The following THEMIS variants were observed in gnomAD, a reference collection of about 807,000 sequenced individuals.
THEMIS encodes thymocyte selection associated, also known as protein THEMIS.
A neutral mutation model predicts 52.6 loss-of-function variants in THEMIS; 37 were observed. The observed-to-expected ratio is 0.70, with a 90% CI of 0.54 to 0.93. THEMIS has a LOEUF of 0.93. Among genes scored for constraint, THEMIS ranks in the 40% least tolerant of loss-of-function variants. The pLI is 0.00. For missense variants in THEMIS, 808 were observed against 763.1 expected, an observed-to-expected ratio of 1.06 and a Z score of -0.69; for synonymous variants, 292 against 272.7, an observed-to-expected ratio of 1.07 and a Z score of -0.70.
rs142292022 is a variant in THEMIS at position 127,917,745 on chromosome 6, T to G, written c.-150+683A>C. On this transcript the variant is annotated intron_variant, in intron 1 of 6. Transcript: ENST00000368250. ...AATCACATTCTCTTCCCCAGAAATT[T>G]AGAATTTGAACTAAAAGATATACTG... 6.4e-4 allele frequency among the ~76,000 whole-genome samples: 97 copies of G among 152,288 alleles called. 1 individual carries two copies. Among genetic ancestry groups the G allele is most frequent in the African/African-American group, 2.2e-3 (93 of 41,574 alleles).
At chr6:127,826,352 AC>A (rs1778505897) in intron 3 of THEMIS, among the ~76,000 whole-genome samples, 4 of 152,192 alleles carry the variant, frequency 2.6e-5, no homozygotes, top group Non-Finnish European at 5.9e-5. Context: ...TATTCTAAAG[AC>A]CAAAGTGTTA....
chr6:127,735,337 CTGTG>C (rs1412447778), intron 4 of THEMIS, among the ~76,000 whole-genome samples: 1 of 150,614 alleles, frequency 6.6e-6, no homozygotes, highest in African/African-American at 2.5e-5. Context: ...GTGTGTGTGT[CTGTG>C]TGTGTATGTT....
upstream of THEMIS, among the ~76,000 whole-genome samples, chr6:127,903,227 A>T (rs967681125): frequency 1.3e-5 from 2 of 152,032 alleles, no homozygotes; most frequent in Non-Finnish European, 2.9e-5. Flanking sequence ...ACTGCTTTAG[A>T]CCAGATCGTA....
intron 4 of THEMIS, among the ~76,000 whole-genome samples, chr6:127,751,324 C>A (rs1332294576): frequency 6.6e-6 from 1 of 151,490 alleles, no homozygotes; most frequent in Non-Finnish European, 1.5e-5. Flanking sequence ...TTACGTAAGT[C>A]TCATAGTAAT....
rs190245773 is a variant in THEMIS, at chr6:127,891,880, C to G, written c.91+8962G>C. On this transcript the variant is annotated intron_variant, in intron 1 of 5. Transcript: ENST00000368248. ...TTCTTCTCCCTGCTTTATATGTGCT[C>G]AAGGTACAGGGATATGTTTTCTCTT... Among the ~76,000 whole-genome samples, 184 of 152,224 alleles carry G rather than the reference C, an allele frequency of 1.2e-3. 1 individual carries two copies. Among genetic ancestry groups the G allele is most frequent in the African/African-American group, 4.2e-3 (175 of 41,552 alleles).
chr6:127,871,841 A>C (rs1489438603), intron 1 of THEMIS, among the ~76,000 whole-genome samples: 1 of 152,130 alleles, frequency 6.6e-6, no homozygotes, highest in Non-Finnish European at 1.5e-5. Flanking sequence ...CCAGGCCCTG[A>C]TTGTTTCACT....
chr6:127,801,606 C>T (rs1777537618), intron 4 of THEMIS, among the ~76,000 whole-genome samples: 1 of 152,136 alleles, frequency 6.6e-6, no homozygotes. Flanking sequence ...GAAACAGCTT[C>T]CCCATCCCCA....
chr6:127,769,169 G>A (rs910484725), intron 4 of THEMIS, among the ~76,000 whole-genome samples: 2 of 152,126 alleles, frequency 1.3e-5, no homozygotes, highest in Non-Finnish European at 2.9e-5. Flanking sequence ...TGAAAGATGC[G>A]AAGAAGAAAG....
At chr6:127,907,952 A>G (rs1397638400) in intron 1 of THEMIS, among the ~76,000 whole-genome samples, 1 of 151,970 alleles carries the variant, frequency 6.6e-6, no homozygotes, top group Non-Finnish European at 1.5e-5. Context: ...AATGAATATG[A>G]ATTATTTTAA....
At position 127,833,922 on chromosome 6, in the gene THEMIS, T is replaced by C. The variant is rs1425591924; in HGVS notation, c.251-3988A>G. On this transcript the variant is annotated intron_variant, in intron 2 of 5. Coordinates refer to ENST00000368248, the MANE Select transcript of THEMIS (RefSeq NM_001010923.3). The stretch of plus-strand genomic sequence containing the variant: ...ATATATAATAACAAGGATGTTTAAG[T>C]TGGTATATTCTATAAATCTATCAAA... Among the ~76,000 whole-genome samples, 4 of 152,076 alleles carry C rather than the reference T, an allele frequency of 2.6e-5. No individual in the cohort carries two copies. In the East Asian group the frequency reaches 7.7e-4, roughly 29 times the overall value.
upstream of THEMIS, chr6:127,901,216 C>G: frequency 2.1e-6 from 1 of 466,820 alleles, no homozygotes; most frequent in Non-Finnish European, 3.8e-6. Flanking sequence ...TGAACAGACA[C>G]TGCCCAAAAA....
chr6:127,725,477 C>T (rs1460257284), intron 4 of THEMIS, among the ~76,000 whole-genome samples: 1 of 151,468 alleles, frequency 6.6e-6, no homozygotes, highest in Non-Finnish European at 1.5e-5. Context: ...TGAGTGTGTT[C>T]TCTTCTGTTT....
intron 2 of THEMIS, among the ~76,000 whole-genome samples, chr6:127,854,219 A>G (rs1779523741): frequency 1.3e-5 from 2 of 151,756 alleles, no homozygotes; most frequent in Admixed American, 6.6e-5. Flanking sequence ...CTGTTTTTGT[A>G]AATAAAGTTT....
At chr6:127,742,501 A>G (rs1775243962) in intron 4 of THEMIS, among the ~76,000 whole-genome samples, 1 of 152,166 alleles carries the variant, frequency 6.6e-6, no homozygotes, top group Admixed American at 6.5e-5. Flanking sequence ...CAACAGCTAA[A>G]ATGTGGAAGC....
chr6:127,715,351 T>G (rs1225779088), intron 5 of THEMIS, among the ~76,000 whole-genome samples: 1 of 151,928 alleles, frequency 6.6e-6, no homozygotes, highest in East Asian at 1.9e-4. Flanking sequence ...TTCTAGACTT[T>G]GGAATAAAAG....
chr6:127,894,000 G>A (rs1318385224), intron 1 of THEMIS, among the ~76,000 whole-genome samples: 1 of 151,884 alleles, frequency 6.6e-6, no homozygotes, highest in Non-Finnish European at 1.5e-5. Flanking sequence ...TAATAATACA[G>A]TAAAAAGATG....
chr6:127,740,914 G>C (rs1420251716), intron 4 of THEMIS, among the ~76,000 whole-genome samples: 1 of 151,956 alleles, frequency 6.6e-6, no homozygotes, highest in Non-Finnish European at 1.5e-5. Flanking sequence ...TAAAAATTTT[G>C]CTCTTGTAAT....
chr6:127,838,758 T>G (rs1188092025), intron 2 of THEMIS, among the ~76,000 whole-genome samples: 1 of 152,100 alleles, frequency 6.6e-6, no homozygotes, highest in Non-Finnish European at 1.5e-5. Flanking sequence ...TAATTCTTCC[T>G]TTAAACCCAG....
At chr6:127,888,384 T>A (rs926859335) in intron 1 of THEMIS, among the ~76,000 whole-genome samples, 5 of 152,064 alleles carry the variant, frequency 3.3e-5, no homozygotes, top group Non-Finnish European at 7.4e-5. Context: ...ATTTTGATAA[T>A]CTTAGCAGTA....
Sources: gnomAD v4.1 joint callset for allele counts (sites outside exome capture counted in the v4.1 genomes callset) on GRCh38, gnomAD v4.1.1 for gene constraint, MANE v1.5 for transcripts, NCBI Gene and HGNC (gene_info 2026-07-23, HGNC 2026-07-21) for gene names.